RBBP4: variants seen among roughly 807,000 people sequenced by gnomAD.
The protein encoded by RBBP4 is RB binding protein 4, chromatin remodeling factor.
In RBBP4, 3 loss-of-function variants were observed where a neutral mutation model predicts 57.2. The ratio of observed to expected loss-of-function variants is 0.05; its 90% confidence interval spans 0.02 to 0.14. RBBP4 has a LOEUF of 0.14. Ranked by LOEUF, RBBP4 falls within the 10% of genes least tolerant of loss-of-function variation. The pLI, the probability that RBBP4 is intolerant of heterozygous loss-of-function variation, is 1.00. For synonymous variants in RBBP4, 151 were observed against 171.5 expected (o/e 0.88, Z 0.93); for missense variants, 107 against 520.6 (o/e 0.21, Z 7.73).
At position 32,659,060 on chromosome 1, in the gene RBBP4, T is replaced by C. The variant is rs368229172; in HGVS notation, c.310+1488T>C. On this transcript the variant is annotated intron_variant, in intron 3 of 11. Transcript: ENST00000373493. ...TGTATTATATTTATATATAAATATATAAATTATATATGTAAAACTACATGT... is the reference window on the plus strand; with the variant it reads ...TGTATTATATTTATATATAAATATACAAATTATATATGTAAAACTACATGT... 3.4e-5 allele frequency among the ~76,000 whole-genome samples: 5 copies of C among 147,424 alleles called. No homozygotes were observed. The East Asian group carries it at 5.8e-4, about 17-fold the overall frequency.
chr1:32,651,516 G>C (rs911357263), intron 1 of RBBP4, 194 bp downstream of exon 1: 1 of 1,338,962 alleles, frequency 7.5e-7, no homozygotes, highest in African/African-American at 1.5e-5. Context: ...GTCGCAGCTG[G>C]CGAAGCCAGC....
rs1385583386 is a variant in RBBP4, at chr1:32,651,256, G to A, written c.-51G>A. On this transcript the variant is annotated 5_prime_UTR_variant, in exon 1 of 12. Coordinates refer to ENST00000373493, the MANE Select transcript of RBBP4 (RefSeq NM_005610.3). ...CAGAGCGAGCTCTTGCAGCCTCCCC[G>A]CCCCTCCCGCAACGCTCGACCCCAG... 15 of 1,505,602 alleles carry A rather than the reference G, an allele frequency of 1.0e-5. No homozygotes were observed. The East Asian group carries it at 1.1e-4, about 11-fold the overall frequency. 93.3% of individuals were successfully genotyped at this position (1,505,602 alleles called of 1,614,324 possible).
At chr1:32,663,613 A>T (rs1423172544) in intron 3 of RBBP4, among the ~76,000 whole-genome samples, 2 of 148,484 alleles carry the variant, frequency 1.3e-5, no homozygotes, top group Non-Finnish European at 3.0e-5. Flanking sequence ...GTCTCGCTTT[A>T]TCGCCCAGGC....
At chr1:32,656,641 C>T (rs972271797) in intron 2 of RBBP4, among the ~76,000 whole-genome samples, 2 of 152,200 alleles carry the variant, frequency 1.3e-5, no homozygotes, top group Admixed American at 1.3e-4. Context: ...TGTGAGCCAC[C>T]ATGCCTGGCC....
At chr1:32,664,415 T>C (rs1557855646) in intron 3 of RBBP4, among the ~76,000 whole-genome samples, 2 of 152,260 alleles carry the variant, frequency 1.3e-5, no homozygotes, top group South Asian at 2.1e-4. Context: ...TCCTTTGTTA[T>C]TGGTGCCTCT....
intron 2 of RBBP4, among the ~76,000 whole-genome samples, chr1:32,656,404 G>A (rs10914591): frequency 0.11 from 16,780 of 152,048 alleles, 1,693 homozygotes; most frequent in African/African-American, 0.26. Context: ...CCAGGCTGGA[G>A]TGCAGTGGCA....
chr1:32,651,957 A>G lies in RBBP4; in HGVS notation c.60A>G (p.Glu20=), dbSNP rs767698228. ...DAVEERVINE[E]YKIWKKNTPF... is the part of the protein sequence containing the mutation. ...TGGAAGAACGAGTGATCAACGAGGA[A>G]TACAAAATATGGAAAAAGAACACCC... The change falls in exon 2 of 12, where the codon GAA becomes GAG. Residue 20 remains glutamate (E), a synonymous_variant. Transcript: ENST00000373493. The G allele has an allele frequency of 6.2e-7, 1 of 1,614,030 alleles. No individual in the cohort carries two copies. Among genetic ancestry groups the G allele is most frequent in the Non-Finnish European group, 8.5e-7 (1 of 1,179,858 alleles).
rs368332610 is a variant in RBBP4, at chr1:32,652,101, A to T, written c.164+40A>T. The T allele has an allele frequency of 1.0e-5, 16 of 1,574,520 alleles. No individual in the cohort carries two copies. In the African/African-American group the frequency reaches 2.2e-4, roughly 21 times the overall value. On this transcript the variant is annotated intron_variant, in intron 2 of 11. Coordinates refer to ENST00000373493, the MANE Select transcript of RBBP4 (RefSeq NM_005610.3). Reference sequence around the variant, plus strand: ...CCGAACGTTATTTTGATGTATTTTCAGTGTAGATTTCTCATATTGATTTTC... The same window carrying T: ...CCGAACGTTATTTTGATGTATTTTCTGTGTAGATTTCTCATATTGATTTTC...
chr1:32,677,956 C>T (rs1304910778), intron 11 of RBBP4, among the ~76,000 whole-genome samples: 1 of 152,084 alleles, frequency 6.6e-6, no homozygotes, highest in Non-Finnish European at 1.5e-5. Flanking sequence ...CCGTTGGATA[C>T]AGGTATTCTG....
chr1:32,662,915 C>T (rs762376686), intron 3 of RBBP4, among the ~76,000 whole-genome samples: 16 of 151,954 alleles, frequency 1.1e-4, no homozygotes, highest in Admixed American at 7.2e-4. Context: ...ACCCAGGAGG[C>T]GGAGGTTGCA....
intron 3 of RBBP4, among the ~76,000 whole-genome samples, chr1:32,658,550 C>CT (rs11419057): frequency 0.88 from 123,402 of 139,624 alleles, 54,642 homozygotes; most frequent in Non-Finnish European, 0.92. Flanking sequence ...AAACGCTTTC[C>CT]TTTTTTTTTT....
chr1:32,657,452 C>A lies in RBBP4; in HGVS notation c.190C>A (p.His64Asn), dbSNP rs771999203. The A allele has an allele frequency of 6.2e-7, 1 of 1,613,586 alleles. No homozygotes were observed. The highest frequency in any genetic ancestry group is 8.5e-7 in the Non-Finnish European group (1 of 1,179,856). ...TRPEGKDFSI[H>N]RLVLGTHTSD... is the part of the protein sequence containing the mutation. ...ACCAGAAGGGAAAGATTTCAGCATTCATCGACTTGTCCTGGGGACACACAC... is the reference window on the plus strand; with the variant it reads ...ACCAGAAGGGAAAGATTTCAGCATTAATCGACTTGTCCTGGGGACACACAC... The change falls in exon 3 of 12, where the codon CAT becomes AAT. Residue 64 changes from histidine to asparagine, a missense_variant. By Grantham distance (68) the His-to-Asn change is moderately conservative (BLOSUM62 1). Transcript: ENST00000373493.
At position 32,682,089 on chromosome 1, in the gene RBBP4, C is replaced by A. The variant is rs1649478096; in HGVS notation, c.*2384C>A. The A allele has an allele frequency of 5.8e-6, 3 of 518,342 alleles. No homozygotes were observed. Among genetic ancestry groups the A allele is most frequent in the Non-Finnish European group, 1.0e-5 (3 of 291,694 alleles). 32.1% of individuals were successfully genotyped at this position (518,342 alleles called of 1,614,324 possible). ...GGTTAACTTCTTACAGGTATAATTA[C>A]AATGCCTGAAATTCTGTAGTTTCAT... On this transcript the variant is annotated 3_prime_UTR_variant, in exon 12 of 12. Coordinates refer to ENST00000373493, the MANE Select transcript of RBBP4 (RefSeq NM_005610.3).
chr1:32,673,065 A>G (rs1050558222), intron 11 of RBBP4, among the ~76,000 whole-genome samples, 164 bp downstream of exon 11: 1 of 152,166 alleles, frequency 6.6e-6, no homozygotes, highest in African/African-American at 2.4e-5. Context: ...CCTGCTCTTG[A>G]CTGTATTTGG....
chr1:32,672,129 A>ACACC (rs1648905185), intron 8 of RBBP4, among the ~76,000 whole-genome samples: 1 of 151,822 alleles, frequency 6.6e-6, no homozygotes, highest in South Asian at 2.1e-4. Flanking sequence ...AGCTGGGATT[A>ACACC]CAGGCGCCTG....
chr1:32,670,854 G>A (rs1188482335), intron 8 of RBBP4, among the ~76,000 whole-genome samples: 3 of 152,288 alleles, frequency 2.0e-5, no homozygotes, highest in East Asian at 3.9e-4. Context: ...TGAAGGTGGC[G>A]TCTGAACTGG....
At chr1:32,679,061 C>T (rs994933233) in intron 11 of RBBP4, among the ~76,000 whole-genome samples, 5 of 152,126 alleles carry the variant, frequency 3.3e-5, no homozygotes, top group Non-Finnish European at 7.3e-5. Context: ...CTTTGAGAGG[C>T]CGAGGTGGGC....
rs180958327 is a variant in RBBP4 at position 32,651,280 on chromosome 1, A to T, written c.-27A>T. 8.6e-5 allele frequency: 128 copies of T among 1,495,564 alleles called. 1 individual carries two copies. In the African/African-American group the frequency reaches 1.7e-3, roughly 19 times the overall value. 92.6% of individuals were successfully genotyped at this position (1,495,564 alleles called of 1,614,324 possible). A position where few individuals can be genotyped will look rare whatever the true frequency, so the allele number is the denominator to read the frequency against. ...CGCCCCTCCCGCAACGCTCGACCCC[A>T]GGATTCCCCCGGCTCGCCTGCCCGC... On this transcript the variant is annotated 5_prime_UTR_variant, in exon 1 of 12. Coordinates refer to ENST00000373493, the MANE Select transcript of RBBP4 (RefSeq NM_005610.3).
chr1:32,657,561 G>A lies in RBBP4; in HGVS notation c.299G>A (p.Ser100Asn). Residue 100 changes from serine to asparagine, a missense_variant, in exon 3 of 12, where the codon AGT (serine) becomes AAT (asparagine). This residue lies in a region of RBBP4 where 92 missense variants were observed against 408.5 expected (regional missense o/e 0.23). Coordinates refer to ENST00000373493, the MANE Select transcript of RBBP4 (RefSeq NM_005610.3). Reference sequence around the variant, plus strand: ...CAGTTTGATGCGTCACACTACGACAGTGAGAAAGGAGGTAGGAATCTTAAA... The same window carrying A: ...CAGTTTGATGCGTCACACTACGACAATGAGAAAGGAGGTAGGAATCTTAAA... ...DAQFDASHYD[S>N]EKGEFGGFGS... The A allele has an allele frequency of 1.9e-6, 3 of 1,613,524 alleles. No homozygotes were observed. The highest frequency in any genetic ancestry group is 2.5e-6 in the Non-Finnish European group (3 of 1,179,738).
Sources: allele counts gnomAD v4.1 joint callset (sites outside exome capture counted in the v4.1 genomes callset), GRCh38; gene constraint gnomAD v4.1.1; regional missense constraint gnomAD v4.1.1; transcripts MANE v1.5; gene names NCBI Gene and HGNC (gene_info 2026-07-23, HGNC 2026-07-21).